TERB1: variants seen among roughly 807,000 people sequenced by gnomAD.
The protein encoded by TERB1 is telomere repeats-binding bouquet formation protein 1.
A neutral mutation model predicts 92.3 loss-of-function variants in TERB1; 63 were observed. The observed-to-expected ratio is 0.68, with a 90% CI of 0.56 to 0.84. The LOEUF (loss-of-function observed/expected upper bound fraction) is 0.84. TERB1 is among the 40% of genes least tolerant of loss of function. The pLI, the probability that TERB1 is intolerant of heterozygous loss-of-function variation, is 0.00. For missense variants in TERB1, 709 were observed against 843.7 expected (o/e 0.84, Z 1.98); for synonymous variants, 252 against 283.9 (o/e 0.89, Z 1.13).
At chr16:66,769,511 G>A (rs1384010332) in intron 14 of TERB1, among the ~76,000 whole-genome samples, 1 of 152,062 alleles carries the variant, frequency 6.6e-6, no homozygotes, top group Non-Finnish European at 1.5e-5. Flanking sequence ...CAAAGTGCAG[G>A]GAACAAACAA....
chr16:66,782,192 A>G (rs1254791936), intron 9 of TERB1, among the ~76,000 whole-genome samples: 1 of 152,238 alleles, frequency 6.6e-6, no homozygotes, highest in Non-Finnish European at 1.5e-5. Context: ...GCATTTTTGT[A>G]GACAATCAAC....
At chr16:66,765,616 C>T (rs548364779) in intron 16 of TERB1, among the ~76,000 whole-genome samples, 2 of 151,840 alleles carry the variant, frequency 1.3e-5, no homozygotes, top group African/African-American at 4.8e-5. Flanking sequence ...TGCTGCCATG[C>T]CCAGCTAATT....
intron 16 of TERB1, among the ~76,000 whole-genome samples, chr16:66,761,703 C>A (rs1041064962): frequency 6.6e-6 from 1 of 151,550 alleles, no homozygotes; most frequent in Non-Finnish European, 1.5e-5. Flanking sequence ...CAGGAGAATC[C>A]CTTGAGACCA....
intron 14 of TERB1, 73 bp from the exon 15 acceptor site, chr16:66,768,241 C>T (rs2145109514): frequency 8.2e-7 from 1 of 1,217,768 alleles, no homozygotes; most frequent in South Asian, 1.4e-5. Context: ...TTTCTGTAAG[C>T]AGTGTTGTGA....
intron 11 of TERB1, among the ~76,000 whole-genome samples, chr16:66,775,860 G>A (rs2018539662): frequency 1.3e-5 from 2 of 151,286 alleles, no homozygotes; most frequent in Non-Finnish European, 2.9e-5. Flanking sequence ...ACAGGCACAC[G>A]CCACCATGCC....
rs1474868439 is a variant in TERB1, at chr16:66,786,446, T to C, written c.401-161A>G. Reference sequence around the variant, plus strand: ...GGTGGATAAAAATCTGCAATCAAGATTATTATGAAAAATATGTCACTACTG... The same window carrying C: ...GGTGGATAAAAATCTGCAATCAAGACTATTATGAAAAATATGTCACTACTG... On this transcript the variant is annotated intron_variant, in intron 6 of 18. Coordinates refer to ENST00000433154, the MANE Select transcript of TERB1 (RefSeq NM_001136505.2). 3.9e-5 allele frequency among the ~76,000 whole-genome samples: 6 copies of C among 152,236 alleles called. No individual in the cohort carries two copies. The East Asian group carries it at 1.2e-3, about 29-fold the overall frequency.
In TERB1 at chr16:66,790,757, A is replaced by G. The variant is rs996323081; in HGVS notation, c.143-34T>C. 5 of 1,542,842 alleles carry G rather than the reference A, an allele frequency of 3.2e-6. No individual in the cohort carries two copies. In the African/African-American group the frequency reaches 5.5e-5, roughly 17 times the overall value. The stretch of plus-strand genomic sequence containing the variant: ...TGTGCAGAAAAAAAACAAAATAGAA[A>G]TGATATTTATTTTCAGGGATAAAAT... On this transcript the variant is annotated intron_variant, in intron 4 of 18. Transcript: ENST00000433154.
chr16:66,770,258 T>C lies in TERB1; in HGVS notation c.1324A>G (p.Ser442Gly). ...AGATGTTTCCATGTATTCTGAATAC[T>C]TATGTTCATAGATGAAATATTATCC... ...YQDNISSMNISIQNTWKHLHA... is the reference protein window; with the variant it reads ...YQDNISSMNIGIQNTWKHLHA... Residue 442 changes from serine (S) to glycine (G), a missense_variant, in exon 14 of 19, where the codon AGT becomes GGT. Ser to Gly is a moderately conservative substitution (Grantham distance 56). Transcript: ENST00000433154. 15 of 1,551,686 alleles carry C rather than the reference T, an allele frequency of 9.7e-6. No individual in the cohort carries two copies. The highest frequency in any genetic ancestry group is 1.3e-5 in the Non-Finnish European group (15 of 1,146,816).
chr16:66,755,547 G>A (rs2018123613), intron 18 of TERB1, among the ~76,000 whole-genome samples: 1 of 152,196 alleles, frequency 6.6e-6, no homozygotes, highest in African/African-American at 2.4e-5. Flanking sequence ...GGCTGAGGAA[G>A]GTGGATTACT....
intron 6 of TERB1, among the ~76,000 whole-genome samples, chr16:66,786,519 T>C (rs542201883): frequency 1.3e-5 from 2 of 152,248 alleles, no homozygotes; most frequent in Non-Finnish European, 2.9e-5. Context: ...TACAAAACTC[T>C]TACTTTGCAT....
At chr16:66,786,389 TTAAAG>T (rs2018729499) in intron 6 of TERB1, 104 bp from the exon 7 acceptor site, 2 of 800,392 alleles carry the variant, frequency 2.5e-6, no homozygotes, top group Non-Finnish European at 4.0e-6. Context: ...TTAAACAACT[TTAAAG>T]TATTACAAAG....
At chr16:66,783,184 A>T (rs890671292) in intron 9 of TERB1, among the ~76,000 whole-genome samples, 3 of 152,322 alleles carry the variant, frequency 2.0e-5, no homozygotes, top group East Asian at 1.9e-4. Context: ...CAAGGGGAAA[A>T]CATTAAGTCT....
intron 16 of TERB1, among the ~76,000 whole-genome samples, chr16:66,762,736 T>C (rs1366136275): frequency 6.6e-6 from 1 of 151,238 alleles, no homozygotes; most frequent in African/African-American, 2.4e-5. Flanking sequence ...CAGACTGGAG[T>C]GCAGTGGCAT....
In TERB1 at chr16:66,788,274, TAC is replaced by T. The variant is rs1319329683; in HGVS notation, c.293_294del (p.Cys98TyrfsTer6). 4 of 1,498,764 alleles carry T rather than the reference TAC, an allele frequency of 2.7e-6. No homozygotes were observed. The highest frequency in any genetic ancestry group is 2.9e-5 in the African/African-American group (2 of 69,382). The allele number at this position is 1,498,764 out of a possible 1,614,324, so 92.8% of individuals were successfully genotyped here. On this transcript the variant is annotated frameshift_variant, in exon 6 of 19. Coordinates refer to ENST00000433154, the MANE Select transcript of TERB1 (RefSeq NM_001136505.2). LOFTEE classifies it high-confidence loss of function. ...EKNVYCQQTL[C>X]TSELFEDLTW... ...GTTAAGTCTTCAAACAACTCTGAAG[TAC>T]ACAAAGTCTGCTGACAGTAAACTGA...
upstream of TERB1, among the ~76,000 whole-genome samples, chr16:66,801,887 G>A (rs1959335071): frequency 6.6e-6 from 1 of 152,222 alleles, no homozygotes; most frequent in Non-Finnish European, 1.5e-5. Flanking sequence ...ACAGGACGGC[G>A]AAGCCCCAAC....
intron 13 of TERB1, among the ~76,000 whole-genome samples, chr16:66,771,078 T>C (rs1368815400): frequency 1.3e-5 from 2 of 151,984 alleles, no homozygotes; most frequent in African/African-American, 4.8e-5. Flanking sequence ...GGATAACTTT[T>C]AAAAATAACA....
intron 3 of TERB1, among the ~76,000 whole-genome samples, chr16:66,794,921 A>AC (rs58060436): frequency 1.0e-3 from 139 of 136,166 alleles, no homozygotes; most frequent in South Asian, 2.4e-3. Context: ...AAAAAAAAAA[A>AC]AACACACACA....
intron 12 of TERB1, 100 bp from the exon 13 acceptor site, chr16:66,772,849 C>T: frequency 1.1e-6 from 1 of 907,714 alleles, no homozygotes; most frequent in Non-Finnish European, 1.6e-6. Flanking sequence ...TAAATTTTTC[C>T]ATCCAGACTA....
chr16:66,768,230 G>T, intron 14 of TERB1, 62 bp from the exon 15 acceptor site: 2 of 1,252,606 alleles, frequency 1.6e-6, no homozygotes, highest in Non-Finnish European at 2.3e-6. Context: ...GCGGACCAAT[G>T]TTTCTGTAAG....
Sources: allele counts gnomAD v4.1 joint callset (sites outside exome capture counted in the v4.1 genomes callset), GRCh38; gene constraint gnomAD v4.1.1; transcripts MANE v1.5; gene names NCBI Gene and HGNC (gene_info 2026-07-23, HGNC 2026-07-21).